The following SP3 variants were observed in gnomAD, a reference collection of about 807,000 sequenced individuals.
The protein encoded by SP3 is Sp3 transcription factor, also known as transcription factor Sp3.
In SP3, 10 loss-of-function variants were observed where a neutral mutation model predicts 70.3. That is an observed-to-expected ratio of 0.14 (90% CI 0.09 to 0.24). The LOEUF is 0.24. Ranked by LOEUF, SP3 falls within the 10% of genes least tolerant of loss-of-function variation. The probability of loss-of-function intolerance (pLI) is 1.00; values close to 1 mark genes in which losing one functional copy is unlikely to be tolerated. For synonymous variants in SP3, 402 were observed against 333.5 expected (o/e 1.21, Z -2.24); for missense variants, 825 against 914.6 (o/e 0.90, Z 1.26).
intron 4 of SP3, among the ~76,000 whole-genome samples, chr2:173,933,671 T>TAA (rs1553516859): frequency 1.4e-5 from 2 of 139,458 alleles, no homozygotes; most frequent in Admixed American, 7.1e-5. Flanking sequence ...TATATATATA[T>TAA]AAAAGTTATA....
chr2:173,944,191 AATTTATGAG>A (rs1242944997), intron 4 of SP3, among the ~76,000 whole-genome samples: 2 of 152,198 alleles, frequency 1.3e-5, no homozygotes, highest in African/African-American at 4.8e-5. Context: ...TTCATCAGAG[AATTTATGAG>A]ATTTATGAAA....
At position 173,963,883 on chromosome 2, in the gene SP3, C is replaced by T. The variant is rs758047284; in HGVS notation, c.157G>A (p.Asp53Asn). 4 of 1,506,898 alleles carry T rather than the reference C, an allele frequency of 2.7e-6. No homozygotes were observed. Among genetic ancestry groups the T allele is most frequent in the East Asian group, 2.8e-5 (1 of 35,866 alleles). 93.3% of individuals were successfully genotyped at this position (1,506,898 alleles called of 1,614,324 possible). ...AGAGCGAGCGGTGACGGCTGAGTGT[C>T]CTACCCCCAATGGGCGGGTTCAGAG... ...GAVAAAAAAQ[D>N]TQPSPLALLA... The change falls in exon 3 of 7, where the codon GAC (aspartate) becomes AAC (asparagine). Residue 53 changes from aspartate (D) to asparagine (N), a missense_variant and splice_region_variant. By Grantham distance (23) the Asp-to-Asn change is conservative. Around this residue, in one of 4 missense-constraint regions of SP3, gnomAD observed 678 missense variants for 651.6 expected, o/e 1.04. Coordinates refer to ENST00000310015, the MANE Select transcript of SP3 (RefSeq NM_003111.5).
At chr2:173,963,399 A>G (rs1691150481) in intron 3 of SP3, 1 of 152,318 alleles carries the variant, frequency 6.6e-6, no homozygotes, top group Non-Finnish European at 1.5e-5. Flanking sequence ...CATTGCCTCT[A>G]GTTGATACTA....
In SP3 at chr2:173,906,020, C is replaced by T. The variant is rs1453162058; in HGVS notation, c.*3921G>A. ...ATAGGGAAAAAACAAACAATAAACC[C>T]TGGACTAGAATGAATTTTTCTGGGG... On this transcript the variant is annotated 3_prime_UTR_variant, in exon 7 of 7. Coordinates refer to ENST00000310015, the MANE Select transcript of SP3 (RefSeq NM_003111.5). Among the ~76,000 whole-genome samples, 1 of 152,124 alleles carries T rather than the reference C, an allele frequency of 6.6e-6. No homozygotes were observed. The highest frequency in any genetic ancestry group is 1.5e-5 in the Non-Finnish European group (1 of 68,004).
chr2:173,911,014 C>CA (rs1241766034), intron 6 of SP3, among the ~76,000 whole-genome samples: 3 of 152,138 alleles, frequency 2.0e-5, no homozygotes, highest in African/African-American at 7.2e-5. Flanking sequence ...CAATAAAAAT[C>CA]AATCAATAAA....
intron 4 of SP3, among the ~76,000 whole-genome samples, chr2:173,952,390 T>C (rs1690734556): frequency 6.6e-6 from 1 of 152,176 alleles, no homozygotes; most frequent in Admixed American, 6.5e-5. Flanking sequence ...AGATACCACT[T>C]CACACCCACT....
chr2:173,965,391 C>T (rs1445087746), upstream of SP3: 9 of 575,294 alleles, frequency 1.6e-5, no homozygotes, highest in Non-Finnish European at 2.8e-5. Flanking sequence ...CCGGAACTCC[C>T]GCCCCTCTTC....
rs1690877358 is a variant in SP3, at chr2:173,955,992, G to A, written c.520C>T (p.Pro174Ser). The A allele has an allele frequency of 6.2e-7, 1 of 1,614,180 alleles. No homozygotes were observed. ...TGACCATCTGCTGACTGGATCTGTGGTATCACTTGATATTGAACACTGGAC... is the reference window on the plus strand; with the variant it reads ...TGACCATCTGCTGACTGGATCTGTGATATCACTTGATATTGAACACTGGAC... ...TVSSVQYQVI[P>S]QIQSADGQQV... is the part of the protein sequence containing the mutation. Residue 174 changes from proline (P) to serine (S), a missense_variant, in exon 4 of 7, where the codon CCA becomes TCA. Transcript: ENST00000310015.
intron 5 of SP3, chr2:173,915,887 T>G (rs982748488): frequency 1.3e-5 from 2 of 152,056 alleles, no homozygotes; most frequent in African/African-American, 2.4e-5. Flanking sequence ...CTTTAAAAGG[T>G]AAACAAATAA....
chr2:173,965,274 C>A lies in SP3; in HGVS notation c.-103G>T, dbSNP rs1558910976. 1 of 1,326,742 alleles carries A rather than the reference C, an allele frequency of 7.5e-7. No individual in the cohort carries two copies. Among genetic ancestry groups the A allele is most frequent in the Non-Finnish European group, 1.1e-6 (1 of 951,732 alleles). The allele number at this position is 1,326,742 out of a possible 1,614,324, so 82.2% of individuals were successfully genotyped here. On this transcript the variant is annotated 5_prime_UTR_variant, in exon 1 of 7. Transcript: ENST00000310015. ...AGGATGCGGGAAGCGGCGGCGGACACGGCCGGAGCGGTCCGGGGATTTTTT... is the reference window on the plus strand; with the variant it reads ...AGGATGCGGGAAGCGGCGGCGGACAAGGCCGGAGCGGTCCGGGGATTTTTT...
In SP3 at chr2:173,964,573, G is replaced by C; in HGVS notation, c.8-20C>G. On this transcript the variant is annotated intron_variant, in intron 1 of 6. Coordinates refer to ENST00000310015, the MANE Select transcript of SP3 (RefSeq NM_003111.5). ...CGGGAGCTGCAGGCACAGCGCGGGG[G>C]GGTGGGGGTGGGGAGGAAGGCGGGT... 4.4e-6 allele frequency: 3 copies of C among 676,584 alleles called. No individual in the cohort carries two copies. The highest frequency in any genetic ancestry group is 5.5e-6 in the Non-Finnish European group (2 of 364,138). 41.9% of individuals were successfully genotyped at this position (676,584 alleles called of 1,614,324 possible).
In SP3 at chr2:173,938,622, C is replaced by T. The variant is rs374159607; in HGVS notation, c.1639+16251G>A. ...AAAAGATGAGTAAGCAATGACTGCCCAATCCCAAAACAAGAAATACATGTT... is the reference window on the plus strand; with the variant it reads ...AAAAGATGAGTAAGCAATGACTGCCTAATCCCAAAACAAGAAATACATGTT... On this transcript the variant is annotated intron_variant, in intron 4 of 6. Coordinates refer to ENST00000310015, the MANE Select transcript of SP3 (RefSeq NM_003111.5). Among the ~76,000 whole-genome samples, 7 of 151,716 alleles carry T rather than the reference C, an allele frequency of 4.6e-5. No individual in the cohort carries two copies. In the East Asian group the frequency reaches 1.2e-3, roughly 25 times the overall value.
At chr2:173,930,273 T>C (rs965421132) in intron 4 of SP3, among the ~76,000 whole-genome samples, 1 of 152,174 alleles carries the variant, frequency 6.6e-6, no homozygotes, top group East Asian at 1.9e-4. Flanking sequence ...TCCTACTGAT[T>C]GGAGGTAAGA....
At chr2:173,937,679 G>A (rs990851995) in intron 4 of SP3, among the ~76,000 whole-genome samples, 11 of 152,044 alleles carry the variant, frequency 7.2e-5, no homozygotes, top group Non-Finnish European at 1.2e-4. Flanking sequence ...TTAAAAACAT[G>A]AGGCTAAAAC....
chr2:173,933,648 A>ATATATATATATATATT (rs1690131523), intron 4 of SP3, among the ~76,000 whole-genome samples: 2 of 135,416 alleles, frequency 1.5e-5, no homozygotes, highest in African/African-American at 5.9e-5. Flanking sequence ...TTATATATAT[A>ATATATATATATATATT]TATATATATA....
intron 1 of SP3, chr2:173,964,773 CCCT>C (rs961722041): frequency 1.6e-3 from 704 of 428,170 alleles, no homozygotes; most frequent in South Asian, 2.6e-3. Context: ...CCTCCTCTTT[CCCT>C]CCTCCTCCTC....
At chr2:173,956,329 T>C in intron 3 of SP3, 97 bp from the exon 4 acceptor site, 2 of 1,301,888 alleles carry the variant, frequency 1.5e-6, no homozygotes, top group Non-Finnish European at 2.1e-6. Context: ...TACCTGAAAA[T>C]TCAACTTATC....
chr2:173,965,310 T>G lies in SP3; in HGVS notation c.-139A>C, dbSNP rs1469086726. On this transcript the variant is annotated 5_prime_UTR_variant, in exon 1 of 7. Transcript: ENST00000310015. Reference sequence around the variant, plus strand: ...GTCCGGGGATTTTTTTTTCCTATTTTGATTGACTGTGCGGGAAACACAAAA... The same window carrying G: ...GTCCGGGGATTTTTTTTTCCTATTTGGATTGACTGTGCGGGAAACACAAAA... The G allele has an allele frequency of 9.1e-6, 9 of 987,278 alleles. No individual in the cohort carries two copies. The highest frequency in any genetic ancestry group is 2.7e-5 in the East Asian group (1 of 37,320). 61.2% of individuals were successfully genotyped at this position (987,278 alleles called of 1,614,324 possible).
At chr2:173,930,077 T>C (rs548739476) in intron 4 of SP3, among the ~76,000 whole-genome samples, 1 of 152,308 alleles carries the variant, frequency 6.6e-6, no homozygotes, top group South Asian at 2.1e-4. Flanking sequence ...TAGCAGGGGT[T>C]CCATACCTTT....
Sources: gnomAD v4.1 joint callset for allele counts (sites outside exome capture counted in the v4.1 genomes callset) on GRCh38, gnomAD v4.1.1 for gene constraint, gnomAD v4.1.1 regional missense constraint, MANE v1.5 for transcripts, NCBI Gene and HGNC (gene_info 2026-07-23, HGNC 2026-07-21) for gene names.